ADORA2B: variants seen among roughly 807,000 people sequenced by gnomAD.
ADORA2B encodes the protein adenosine receptor A2b.
Under a neutral mutation model 20.8 loss-of-function variants are expected in ADORA2B, and 18 were observed. That is an observed-to-expected ratio of 0.87 (90% CI 0.60 to 1.29). The LOEUF (loss-of-function observed/expected upper bound fraction) is 1.29, where lower values mean the gene tolerates loss of function less well. Among genes scored for constraint, ADORA2B ranks in the 50% most tolerant of loss-of-function variants. The pLI is 0.00. For synonymous variants in ADORA2B, 179 were observed against 178.3 expected, an observed-to-expected ratio of 1.00 and a Z score of -0.03; for missense variants, 441 against 422.7, an observed-to-expected ratio of 1.04 and a Z score of -0.38.
At chr17:15,874,604 A>G in the ADORA2B span, among the ~76,000 whole-genome samples, 1 of 152,082 alleles carries the variant, frequency 6.6e-6, no homozygotes, top group African/African-American at 2.4e-5. Flanking sequence ...AAGATGGAGA[A>G]TGACTTGAGC....
chr17:15,894,869 T>G, the ADORA2B span, among the ~76,000 whole-genome samples: 4 of 152,276 alleles, frequency 2.6e-5, no homozygotes, highest in Admixed American at 2.0e-4. Context: ...AGTAATTTAA[T>G]TTTTTAAGGT....
At chr17:15,912,932 A>G in the ADORA2B span, among the ~76,000 whole-genome samples, 2 of 152,204 alleles carry the variant, frequency 1.3e-5, no homozygotes, top group East Asian at 3.9e-4. Flanking sequence ...CAGGCCACTT[A>G]GTTGCACTGA....
the ADORA2B span, among the ~76,000 whole-genome samples, chr17:15,911,507 T>C: frequency 1.3e-5 from 2 of 152,168 alleles, no homozygotes; most frequent in African/African-American, 4.8e-5. Flanking sequence ...CTATGCTGGA[T>C]GGTGTTGTGG....
chr17:15,867,881 C>G, the ADORA2B span, among the ~76,000 whole-genome samples: 1 of 152,064 alleles, frequency 6.6e-6, no homozygotes, highest in South Asian at 2.1e-4. Flanking sequence ...TACTCAACAG[C>G]TCATTGAGAA....
intron 1 of ADORA2B, among the ~76,000 whole-genome samples, chr17:15,970,674 A>G (rs1970180315): frequency 6.6e-6 from 1 of 152,206 alleles, no homozygotes; most frequent in Admixed American, 6.5e-5. Context: ...GTGTTAACGG[A>G]GTACCTCACA....
chr17:15,933,390 G>A, the ADORA2B span, among the ~76,000 whole-genome samples: 1 of 152,084 alleles, frequency 6.6e-6, no homozygotes, highest in South Asian at 2.1e-4. Flanking sequence ...CGGTAGCATT[G>A]CCATCTTAAT....
the ADORA2B span, among the ~76,000 whole-genome samples, chr17:15,920,781 G>A: frequency 3.3e-5 from 5 of 151,502 alleles, no homozygotes; most frequent in Admixed American, 6.6e-5. Context: ...AAAATGACAC[G>A]CCAGAAAGGT....
At chr17:15,872,170 T>C in the ADORA2B span, among the ~76,000 whole-genome samples, 1 of 152,136 alleles carries the variant, frequency 6.6e-6, no homozygotes, top group Non-Finnish European at 1.5e-5. Context: ...CAGTTTTCTA[T>C]TGTGTGATGA....
At chr17:15,973,632 G>C (rs1970213179) in intron 1 of ADORA2B, among the ~76,000 whole-genome samples, 1 of 152,188 alleles carries the variant, frequency 6.6e-6, no homozygotes, top group Non-Finnish European at 1.5e-5. Flanking sequence ...GCACGCAGGG[G>C]ATCTACGCTG....
the ADORA2B span, among the ~76,000 whole-genome samples, chr17:15,887,877 G>T: frequency 9.2e-6 from 1 of 108,628 alleles, no homozygotes; most frequent in Non-Finnish European, 1.8e-5. Flanking sequence ...CATGAACCCG[G>T]GAGGCGGAGC....
At chr17:15,934,026 C>A in the ADORA2B span, among the ~76,000 whole-genome samples, 1 of 151,344 alleles carries the variant, frequency 6.6e-6, no homozygotes, top group African/African-American at 2.4e-5. Flanking sequence ...GAAGATATTT[C>A]TTTCCATTTC....
chr17:15,962,325 CACAAA>C lies in ADORA2B; in HGVS notation c.336-12332_336-12328del, dbSNP rs747748190. 9.5e-4 allele frequency among the ~76,000 whole-genome samples: 144 copies of C among 152,168 alleles called. 2 individuals carry two copies. The highest frequency in any genetic ancestry group is 2.9e-3 in the African/African-American group (119 of 41,512). The stretch of plus-strand genomic sequence containing the variant: ...CTCAAAACAAAACAAGACACAACAA[CACAAA>C]ACAAAACAAAACAAAACAAAATTGG... On this transcript the variant is annotated intron_variant, in intron 1 of 1. Coordinates refer to ENST00000304222, the MANE Select transcript of ADORA2B (RefSeq NM_000676.4).
At chr17:15,856,624 T>C in the ADORA2B span, among the ~76,000 whole-genome samples, 3 of 152,346 alleles carry the variant, frequency 2.0e-5, no homozygotes, top group East Asian at 1.9e-4. Flanking sequence ...AATGCTGATA[T>C]GATGTGGAAA....
At chr17:15,851,103 T>C in the ADORA2B span, among the ~76,000 whole-genome samples, 11 of 152,046 alleles carry the variant, frequency 7.2e-5, no homozygotes, top group African/African-American at 2.7e-4. Flanking sequence ...TTAGGTTACT[T>C]GGGGTAAACA....
chr17:15,944,045 A>G (rs562118243), upstream of ADORA2B, among the ~76,000 whole-genome samples: 2 of 152,220 alleles, frequency 1.3e-5, no homozygotes, highest in South Asian at 2.1e-4. The surrounding 1 kb of genome is among the most constrained non-coding windows in gnomAD (Gnocchi z 4.8). Context: ...CTTTGGGGGT[A>G]AAAGGAAGCA....
At chr17:15,902,613 G>A in the ADORA2B span, among the ~76,000 whole-genome samples, 1 of 152,130 alleles carries the variant, frequency 6.6e-6, no homozygotes, top group Non-Finnish European at 1.5e-5. Context: ...TTTTCATCCT[G>A]GCTGGAGCCT....
intron 1 of ADORA2B, among the ~76,000 whole-genome samples, chr17:15,953,011 C>T (rs571807265): frequency 6.6e-6 from 1 of 152,308 alleles, no homozygotes; most frequent in South Asian, 2.1e-4. Context: ...CAGGCACGGG[C>T]GGGCAGGCTT....
the ADORA2B span, among the ~76,000 whole-genome samples, chr17:15,924,673 G>T: frequency 6.6e-6 from 1 of 151,954 alleles, no homozygotes; most frequent in Non-Finnish European, 1.5e-5. Flanking sequence ...CCAGGAGGTG[G>T]AGCTTGCAGT....
chr17:15,861,174 A>T, the ADORA2B span, among the ~76,000 whole-genome samples: 1 of 152,260 alleles, frequency 6.6e-6, no homozygotes, highest in Non-Finnish European at 1.5e-5. Flanking sequence ...GATGCTGGAC[A>T]GTAAGTAGTG....
Sources: gnomAD v4.1 joint callset for allele counts (sites outside exome capture counted in the v4.1 genomes callset) on GRCh38, gnomAD v4.1.1 for gene constraint, Gnocchi (gnomAD v3.1) non-coding constraint, MANE v1.5 for transcripts, NCBI Gene and HGNC (gene_info 2026-07-23, HGNC 2026-07-21) for gene names.